Variants in CNOT1 observed in about 807,000 individuals in gnomAD.
CNOT1 encodes the protein CCR4-associated factor 1.
A neutral mutation model predicts 273.8 loss-of-function variants in CNOT1; 15 were observed. That is an observed-to-expected ratio of 0.05 (90% CI 0.04 to 0.08). CNOT1 has a LOEUF of 0.08. Among genes scored for constraint, CNOT1 ranks in the 10% least tolerant of loss-of-function variants. The pLI is 1.00. For synonymous variants in CNOT1, 1,022 were observed against 1,005.5 expected (o/e 1.02, Z -0.31); for missense variants, 1,644 against 2,912.2 (o/e 0.56, Z 10.02).
At chr16:58,523,780 C>T (rs2039487291) in intron 46 of CNOT1, 2 of 273,110 alleles carry the variant, frequency 7.3e-6, no homozygotes, top group African/African-American at 4.3e-5. Context: ...ACACTCATCA[C>T]TAAGTCTTTC....
chr16:58,547,689 T>C lies in CNOT1; in HGVS notation c.3523-7A>G. On this transcript the variant is annotated splice_region_variant and splice_polypyrimidine_tract_variant and intron_variant, in intron 25 of 48. Transcript: ENST00000317147. The surrounding 1 kb of genome is among the most constrained non-coding windows in gnomAD (Gnocchi z 4.0). ...TATCAGAGGTCAGGAGCACCTGAAA[T>C]AGTGTAAGATTAAGAAAGATATGAG... 2.5e-6 allele frequency: 4 copies of C among 1,608,076 alleles called. No individual in the cohort carries two copies. The highest frequency in any genetic ancestry group is 1.1e-5 in the South Asian group (1 of 89,934).
chr16:58,521,093 T>TGCA (rs1391392676), intron 48 of CNOT1, 57 bp from the exon 49 acceptor site: 1 of 1,613,402 alleles, frequency 6.2e-7, no homozygotes, highest in Non-Finnish European at 8.5e-7. Context: ...AACAATACCT[T>TGCA]GCATCTCATT....
Position 58,613,353 on chromosome 16 carries a change from G to A in CNOT1, c.-174-13842C>T, listed in dbSNP as rs76180093. ...GGCTTAGAGGTTAAGTCTAAAACAA[G>A]CAAAAATCCTTTCAAAATCGATTTG... is the stretch of plus-strand genomic sequence containing the variant. On this transcript the variant is annotated intron_variant, in intron 1 of 48. Transcript: ENST00000317147. Among the ~76,000 whole-genome samples the A allele has an allele frequency of 9.3e-3, 735 of 79,310 alleles. 144 individuals are homozygous for A. The highest frequency in any genetic ancestry group is 0.025 in the African/African-American group (680 of 26,804). 52.0% of individuals were successfully genotyped at this position (79,310 alleles called of 152,430 possible).
chr16:58,543,569 T>C, intron 31 of CNOT1, 38 bp downstream of exon 31: 2 of 1,613,932 alleles, frequency 1.2e-6, no homozygotes, highest in South Asian at 1.1e-5. Flanking sequence ...CAAGCAGTAA[T>C]ACGTTTTGTA....
In CNOT1 at chr16:58,578,944, C is replaced by T. The variant is rs377402973; in HGVS notation, c.1344-5G>A. The T allele has an allele frequency of 6.6e-5, 107 of 1,611,790 alleles. No individual in the cohort carries two copies. Among genetic ancestry groups the T allele is most frequent in the Admixed American group, 1.0e-4 (6 of 59,926 alleles). ...TCAATCAAATCCAAGCTCTTCCTAA[C>T]GAGAAAGGAAGAAACATGCTTTATC... is the stretch of plus-strand genomic sequence containing the variant. On this transcript the variant is annotated splice_polypyrimidine_tract_variant and splice_region_variant and intron_variant, in intron 12 of 48. Coordinates refer to ENST00000317147, the MANE Select transcript of CNOT1 (RefSeq NM_016284.5).
chr16:58,565,968 T>C (rs2041027957), intron 16 of CNOT1, among the ~76,000 whole-genome samples: 1 of 151,868 alleles, frequency 6.6e-6, no homozygotes. Context: ...AAGTCAGTTG[T>C]TTTGTAGAAT....
intron 1 of CNOT1, among the ~76,000 whole-genome samples, chr16:58,628,101 T>C (rs1308503489): frequency 1.3e-5 from 2 of 152,230 alleles, no homozygotes; most frequent in South Asian, 4.1e-4. Flanking sequence ...GTGCTGGGAT[T>C]ACAGGCGTGA....
At chr16:58,598,678 T>A (rs2042355008) in intron 2 of CNOT1, among the ~76,000 whole-genome samples, 1 of 151,172 alleles carries the variant, frequency 6.6e-6, no homozygotes, top group South Asian at 2.1e-4. Flanking sequence ...AGCTAGCAGG[T>A]TTCTCAGGGC....
intron 16 of CNOT1, among the ~76,000 whole-genome samples, chr16:58,562,829 C>CA (rs200941641): frequency 1.3e-5 from 2 of 151,492 alleles, no homozygotes; most frequent in Non-Finnish European, 2.9e-5. Flanking sequence ...TCTTAAACAA[C>CA]AAAAAAAAGC....
chr16:58,594,837 C>T (rs1471307996), intron 2 of CNOT1, among the ~76,000 whole-genome samples: 1 of 150,826 alleles, frequency 6.6e-6, no homozygotes, highest in Non-Finnish European at 1.5e-5. Flanking sequence ...GAAAAAAAGG[C>T]TAGGTACAGT....
At chr16:58,580,846 T>G (rs926696043) in intron 11 of CNOT1, 86 bp from the exon 12 acceptor site, 26 of 1,277,500 alleles carry the variant, frequency 2.0e-5, no homozygotes, top group Middle Eastern at 1.9e-4. Context: ...ATTGTCAATC[T>G]TAAGGTTATT....
At chr16:58,599,797 G>A (rs1460224038) in intron 1 of CNOT1, among the ~76,000 whole-genome samples, 3 of 152,148 alleles carry the variant, frequency 2.0e-5, no homozygotes, top group Admixed American at 6.6e-5. Flanking sequence ...TGGGTGTGAC[G>A]GCTCACACCT....
chr16:58,578,855 A>G lies in CNOT1; in HGVS notation c.1428T>C (p.Pro476=). The G allele has an allele frequency of 1.2e-6, 2 of 1,614,220 alleles. No homozygotes were observed. Among genetic ancestry groups the G allele is most frequent in the Non-Finnish European group, 1.7e-6 (2 of 1,180,038 alleles). The change falls in exon 13 of 49, where the codon CCT becomes CCC. Residue 476 remains proline (P), a synonymous_variant. Transcript: ENST00000317147. ...CCAGCATGTCTGGACAGTGTTTGATAGGGAAGCTGAAGAGCTGTTTGACTT... is the reference window on the plus strand; with the variant it reads ...CCAGCATGTCTGGACAGTGTTTGATGGGGAAGCTGAAGAGCTGTTTGACTT... ...YEQVKQLFSF[P]IKHCPDMLVL... is the part of the protein sequence containing the mutation.
At chr16:58,606,938 T>C (rs2042702536) in intron 1 of CNOT1, among the ~76,000 whole-genome samples, 1 of 152,150 alleles carries the variant, frequency 6.6e-6, no homozygotes, top group Non-Finnish European at 1.5e-5. Flanking sequence ...GGGGAAAGGA[T>C]TATAAAATGG....
At chr16:58,550,806 A>G (rs1164839564) in intron 24 of CNOT1, among the ~76,000 whole-genome samples, 3 of 151,684 alleles carry the variant, frequency 2.0e-5, no homozygotes, top group Admixed American at 6.6e-5. Flanking sequence ...TGCTTTTCAC[A>G]AAGTTTGCCT....
At chr16:58,597,778 G>T (rs910803441) in intron 2 of CNOT1, 3 of 495,014 alleles carry the variant, frequency 6.1e-6, no homozygotes, top group African/African-American at 3.9e-5. Context: ...GGGGCCCAAG[G>T]CTCTGATAAA....
chr16:58,622,108 C>T (rs12926634), intron 1 of CNOT1, among the ~76,000 whole-genome samples: 57,606 of 149,408 alleles, frequency 0.39, 12,263 homozygotes, highest in African/African-American at 0.59. Context: ...GTCAGGAGAT[C>T]GAGACCATCC....
chr16:58,608,768 G>C (rs1228819565), intron 1 of CNOT1, among the ~76,000 whole-genome samples: 4 of 152,092 alleles, frequency 2.6e-5, no homozygotes, highest in African/African-American at 7.2e-5. Flanking sequence ...TATACACAAC[G>C]GAATAGTACT....
At chr16:58,538,976 G>A (rs1412609320) in intron 35 of CNOT1, 62 bp from the exon 36 acceptor site, 10 of 1,572,658 alleles carry the variant, frequency 6.4e-6, no homozygotes, top group Non-Finnish European at 8.6e-6. Context: ...AACTATCACA[G>A]CCAGAAACCA....
Sources: allele counts gnomAD v4.1 joint callset (sites outside exome capture counted in the v4.1 genomes callset), GRCh38; gene constraint gnomAD v4.1.1; non-coding constraint Gnocchi (gnomAD v3.1); transcripts MANE v1.5; gene names NCBI Gene and HGNC (gene_info 2026-07-23, HGNC 2026-07-21).